The following ASF1A variants were observed in gnomAD, a reference collection of about 807,000 sequenced individuals.
ASF1A encodes histone chaperone ASF1A.
ASF1A carries 5 observed loss-of-function variants against 22.0 expected under a neutral mutation model. That is an observed-to-expected ratio of 0.23 (90% confidence interval 0.12 to 0.48). The LOEUF is 0.48. Ranked by LOEUF, ASF1A falls within the 20% of genes least tolerant of loss-of-function variation. ASF1A has a pLI of 0.99. For synonymous variants in ASF1A, 97 were observed against 86.7 expected (o/e 1.12, Z -0.66); for missense variants, 137 against 240.6 (o/e 0.57, Z 2.85).
intron 1 of ASF1A, among the ~76,000 whole-genome samples, chr6:118,897,837 AC>A (rs11349128): frequency 0.01 from 1,581 of 151,974 alleles, 28 homozygotes; most frequent in African/African-American, 0.035. Context: ...AAAAAAAAAA[AC>A]AACAAAAAAA....
At chr6:118,903,857 G>A (rs1779983242) in intron 2 of ASF1A, among the ~76,000 whole-genome samples, 1 of 152,042 alleles carries the variant, frequency 6.6e-6, no homozygotes, top group Non-Finnish European at 1.5e-5. Context: ...AAAGTGCTAG[G>A]ATTACAGGCG....
chr6:118,906,578 G>A (rs753501439), intron 3 of ASF1A, among the ~76,000 whole-genome samples: 4 of 152,046 alleles, frequency 2.6e-5, no homozygotes, highest in Non-Finnish European at 5.9e-5. Flanking sequence ...CTATGAATAC[G>A]GTTATCTCAA....
rs916854554 is a variant in ASF1A at position 118,908,348 on chromosome 6, C to T, written c.*734C>T. 5.9e-5 allele frequency: 9 copies of T among 152,148 alleles called. No homozygotes were observed. The highest frequency in any genetic ancestry group is 2.1e-4 in the South Asian group (1 of 4,820). The allele number at this position is 152,148 out of a possible 1,614,324, so 9.4% of individuals were successfully genotyped here. On this transcript the variant is annotated 3_prime_UTR_variant, in exon 4 of 4. Coordinates refer to ENST00000229595, the MANE Select transcript of ASF1A (RefSeq NM_014034.3). ...TGTCCAGTGAATTCAAGACCAAATACAATATCGGGAGAAAATACAAACTCC... is the reference window on the plus strand; with the variant it reads ...TGTCCAGTGAATTCAAGACCAAATATAATATCGGGAGAAAATACAAACTCC...
chr6:118,894,738 C>G (rs147886588), intron 1 of ASF1A, among the ~76,000 whole-genome samples: 28,002 of 151,736 alleles, frequency 0.18, 3,305 homozygotes, highest in East Asian at 0.37. Flanking sequence ...TTGCGAGGAA[C>G]TTGTTTGAGC....
intron 1 of ASF1A, among the ~76,000 whole-genome samples, chr6:118,899,680 TTACAA>T (rs1475840347): frequency 1.5e-4 from 23 of 152,296 alleles, no homozygotes; most frequent in African/African-American, 5.3e-4. Flanking sequence ...TGATTGTAGT[TTACAA>T]TACAATATAA....
intron 2 of ASF1A, among the ~76,000 whole-genome samples, chr6:118,902,507 G>C (rs78571872): frequency 0.027 from 3,974 of 149,898 alleles, 182 homozygotes; most frequent in African/African-American, 0.094. Flanking sequence ...AAGAAACCTG[G>C]GTTGACAGGT....
At chr6:118,903,247 C>T (rs1350703522) in intron 2 of ASF1A, among the ~76,000 whole-genome samples, 3 of 152,032 alleles carry the variant, frequency 2.0e-5, no homozygotes, top group East Asian at 3.9e-4. Context: ...TATTAGAATC[C>T]GTTTGGGTAC....
Position 118,907,661 on chromosome 6 carries a change from G to A in ASF1A, c.*47G>A. Reference sequence around the variant, plus strand: ...CAAATTAAGCTATTAAAAATACACAGAACTATTTCCCTGAAATTCCGTAAG... The same window carrying A: ...CAAATTAAGCTATTAAAAATACACAAAACTATTTCCCTGAAATTCCGTAAG... On this transcript the variant is annotated 3_prime_UTR_variant, in exon 4 of 4. Transcript: ENST00000229595. 6.9e-7 allele frequency: 1 copy of A among 1,450,318 alleles called. No homozygotes were observed. The highest frequency in any genetic ancestry group is 1.8e-5 in the Admixed American group (1 of 56,740). The allele number at this position is 1,450,318 out of a possible 1,614,324, so 89.8% of individuals were successfully genotyped here.
In ASF1A at chr6:118,907,497, T is replaced by G; in HGVS notation, c.498T>G (p.Ser166Arg). ...NTEKLEDAES[S>R]NPNLQSLLST... ...AAAAACTGGAAGATGCAGAGAGCAG[T>G]AATCCAAATCTACAGTCACTTCTTT... Residue 166 changes from serine (S) to arginine (R), a missense_variant, in exon 4 of 4, where the codon AGT (serine) becomes AGG (arginine). Ser to Arg is a moderately radical substitution (Grantham distance 110). Coordinates refer to ENST00000229595, the MANE Select transcript of ASF1A (RefSeq NM_014034.3). The G allele has an allele frequency of 6.2e-7, 1 of 1,613,624 alleles. No individual in the cohort carries two copies. The highest frequency in any genetic ancestry group is 1.3e-5 in the African/African-American group (1 of 75,038).
intron 1 of ASF1A, among the ~76,000 whole-genome samples, chr6:118,898,453 C>CT (rs1249117724): frequency 7.0e-6 from 1 of 142,582 alleles, no homozygotes; most frequent in Non-Finnish European, 1.5e-5. Flanking sequence ...TGGAGACAAT[C>CT]TCGTTCCATT....
chr6:118,897,866 A>C (rs1016972261), intron 1 of ASF1A, among the ~76,000 whole-genome samples: 1 of 152,092 alleles, frequency 6.6e-6, no homozygotes, highest in Non-Finnish European at 1.5e-5. Flanking sequence ...CAATGTATAA[A>C]AGGGTATTGA....
intron 3 of ASF1A, 134 bp from the exon 4 acceptor site, chr6:118,907,264 TTAAC>T: frequency 1.6e-6 from 1 of 620,534 alleles, no homozygotes; most frequent in Non-Finnish European, 2.9e-6. Context: ...TTTAAGGTAC[TTAAC>T]TTGAATTATA....
chr6:118,894,335 C>G lies in ASF1A; in HGVS notation c.-79C>G. 6.5e-7 allele frequency: 1 copy of G among 1,529,292 alleles called. No homozygotes were observed. The highest frequency in any genetic ancestry group is 8.8e-7 in the Non-Finnish European group (1 of 1,141,416). The allele number at this position is 1,529,292 out of a possible 1,614,324, so 94.7% of individuals were successfully genotyped here. On this transcript the variant is annotated 5_prime_UTR_variant, in exon 1 of 4. Coordinates refer to ENST00000229595, the MANE Select transcript of ASF1A (RefSeq NM_014034.3). Reference sequence around the variant, plus strand: ...GCCGGCGCTGGAGCGGGGGTCTGCGCTCTCCCGAGCGGCCGCGCGCTGGAC... The same window carrying G: ...GCCGGCGCTGGAGCGGGGGTCTGCGGTCTCCCGAGCGGCCGCGCGCTGGAC...
At chr6:118,905,000 G>A (rs1780076992) in intron 2 of ASF1A, among the ~76,000 whole-genome samples, 1 of 152,122 alleles carries the variant, frequency 6.6e-6, no homozygotes, top group Admixed American at 6.5e-5. Context: ...ACCATGCCCA[G>A]CTAATTTTTG....
rs1780328466 is a variant in ASF1A, at chr6:118,908,598, A to G, written c.*984A>G. 1 of 152,096 alleles carries G rather than the reference A, an allele frequency of 6.6e-6. No homozygotes were observed. The highest frequency in any genetic ancestry group is 6.6e-5 in the Admixed American group (1 of 15,264). 9.4% of individuals were successfully genotyped at this position (152,096 alleles called of 1,614,324 possible). On this transcript the variant is annotated 3_prime_UTR_variant, in exon 4 of 4. Coordinates refer to ENST00000229595, the MANE Select transcript of ASF1A (RefSeq NM_014034.3). ...AGTACTCTTCCCCATTTCCTCTGAC[A>G]CTCATGCAGAATGAGATCAGGCATA... is the stretch of plus-strand genomic sequence containing the variant.
chr6:118,895,128 G>C (rs965405277), intron 1 of ASF1A, among the ~76,000 whole-genome samples: 1 of 152,116 alleles, frequency 6.6e-6, no homozygotes, highest in South Asian at 2.1e-4. Context: ...GAGCGAGGCT[G>C]TCCTCGCGCT....
Position 118,900,788 on chromosome 6 carries a change from T to C in ASF1A, c.132T>C (p.Tyr44=), listed in dbSNP as rs763132967. ...LSEDLEWKII[Y]VGSAESEEYD... Reference sequence around the variant, plus strand: ...TAGACTTGGAATGGAAAATTATCTATGTGGGCTCTGCAGAAAGTGAAGAAT... The same window carrying C: ...TAGACTTGGAATGGAAAATTATCTACGTGGGCTCTGCAGAAAGTGAAGAAT... Residue 44 remains tyrosine, a synonymous_variant, in exon 2 of 4, where the codon TAT becomes TAC. Coordinates refer to ENST00000229595, the MANE Select transcript of ASF1A (RefSeq NM_014034.3). The C allele has an allele frequency of 5.0e-6, 8 of 1,613,382 alleles. No homozygotes were observed. The highest frequency in any genetic ancestry group is 1.7e-5 in the Admixed American group (1 of 60,006).
chr6:118,901,835 TC>T (rs1440612365), intron 2 of ASF1A, among the ~76,000 whole-genome samples: 4 of 152,194 alleles, frequency 2.6e-5, no homozygotes, highest in African/African-American at 9.7e-5. Flanking sequence ...ATCTAACTCT[TC>T]CTATGCCTGA....
chr6:118,908,289 A>C lies in ASF1A; in HGVS notation c.*675A>C, dbSNP rs181872981. ...TTTTGTTCTTATAACAGAGTTTAGA[A>C]TATCAGAGCATTTCTTGAATCATAC... On this transcript the variant is annotated 3_prime_UTR_variant, in exon 4 of 4. Coordinates refer to ENST00000229595, the MANE Select transcript of ASF1A (RefSeq NM_014034.3). The C allele has an allele frequency of 1.7e-4, 26 of 152,288 alleles. No homozygotes were observed. Among genetic ancestry groups the C allele is most frequent in the African/African-American group, 6.3e-4 (26 of 41,578 alleles). 9.4% of individuals were successfully genotyped at this position (152,288 alleles called of 1,614,324 possible).
Sources: gnomAD v4.1 joint callset for allele counts (sites outside exome capture counted in the v4.1 genomes callset) on GRCh38, gnomAD v4.1.1 for gene constraint, MANE v1.5 for transcripts, NCBI Gene and HGNC (gene_info 2026-07-23, HGNC 2026-07-21) for gene names.